Variants in MXI1 observed in about 807,000 individuals in gnomAD.
MXI1 encodes the protein max-interacting protein 1.
Under a neutral mutation model 36.9 loss-of-function variants are expected in MXI1, and 18 were observed. The observed-to-expected ratio is 0.49, with a 90% CI of 0.34 to 0.72. MXI1 has a LOEUF of 0.72. MXI1 is among the 30% of genes least tolerant of loss of function. MXI1 has a pLI of 0.01. For missense variants in MXI1, 304 were observed against 379.1 expected, an observed-to-expected ratio of 0.80 and a Z score of 1.64; for synonymous variants, 160 against 146.7, an observed-to-expected ratio of 1.09 and a Z score of -0.65.
intron 2 of MXI1, among the ~76,000 whole-genome samples, chr10:110,233,716 A>G (rs558649870): frequency 1.2e-4 from 19 of 152,152 alleles, no homozygotes; most frequent in Admixed American, 3.9e-4. Flanking sequence ...TCTGTCTTCT[A>G]CCAAAATTGA....
intron 2 of MXI1, among the ~76,000 whole-genome samples, chr10:110,233,321 C>T (rs1855339730): frequency 6.6e-6 from 1 of 152,062 alleles, no homozygotes; most frequent in African/African-American, 2.4e-5. Flanking sequence ...GCATCCTTTT[C>T]AGCTATCTTC....
rs60576710 is a variant in MXI1, at chr10:110,236,124, C to CTTTTTTTTTTTTTTT, written c.407+7828_407+7842dup. Among the ~76,000 whole-genome samples the CTTTTTTTTTTTTTTT allele has an allele frequency of 8.9e-5, 3 of 33,576 alleles. 1 individual carries two copies. Among genetic ancestry groups the CTTTTTTTTTTTTTTT allele is most frequent in the Non-Finnish European group, 1.7e-4 (3 of 17,976 alleles). 22.0% of individuals were successfully genotyped at this position (33,576 alleles called of 152,430 possible). On this transcript the variant is annotated intron_variant, in intron 2 of 5. Transcript: ENST00000332674. ...AGGGTGTGAAGTAAAGGTTGAAGTT[C>CTTTTTTTTTTTTTTT]TTTTTTTTTTTTTTTTTTTTTTTTT... is the stretch of plus-strand genomic sequence containing the variant.
At chr10:110,277,127 C>T (rs1857063484) in intron 3 of MXI1, among the ~76,000 whole-genome samples, 1 of 152,098 alleles carries the variant, frequency 6.6e-6, no homozygotes, top group Non-Finnish European at 1.5e-5. Context: ...TAGGCATGAG[C>T]CACCATGCCC....
At chr10:110,259,450 A>T (rs772259214) in intron 3 of MXI1, among the ~76,000 whole-genome samples, 4 of 152,094 alleles carry the variant, frequency 2.6e-5, no homozygotes, top group Non-Finnish European at 5.9e-5. Flanking sequence ...CTTTTGCTGC[A>T]TATTGTAAAG....
At chr10:110,277,545 G>A (rs1857078525) in intron 3 of MXI1, among the ~76,000 whole-genome samples, 1 of 152,080 alleles carries the variant, frequency 6.6e-6, no homozygotes, top group Non-Finnish European at 1.5e-5. Flanking sequence ...TTTGTTAAAG[G>A]TTCTATGCAT....
chr10:110,286,807 G>C lies in MXI1; in HGVS notation c.*1820G>C, dbSNP rs1173019962. 3 of 152,178 alleles carry C rather than the reference G, an allele frequency of 2.0e-5. No individual in the cohort carries two copies. The highest frequency in any genetic ancestry group is 7.2e-5 in the African/African-American group (3 of 41,454). The allele number at this position is 152,178 out of a possible 1,614,324, so 9.4% of individuals were successfully genotyped here. On this transcript the variant is annotated 3_prime_UTR_variant, in exon 6 of 6. Transcript: ENST00000332674. ...TCCTTGATTGTGCTATGTTTCAGTG[G>C]AAGAAATTCTTTGAAGTAGATGTGA...
chr10:110,270,590 C>G (rs1214324576), intron 3 of MXI1, among the ~76,000 whole-genome samples: 1 of 152,120 alleles, frequency 6.6e-6, no homozygotes, highest in Non-Finnish European at 1.5e-5. Flanking sequence ...ACACTAGTTT[C>G]TCATTTATTA....
rs544761728 is a variant in MXI1 at position 110,250,051 on chromosome 10, G to T, written c.437+5194G>T. The stretch of plus-strand genomic sequence containing the variant: ...ATGGTGGAGATTTGGGTTTTGGCAG[G>T]CCCAGAGTAGTTGGTTGTGATCCAC... On this transcript the variant is annotated intron_variant, in intron 3 of 5. Coordinates refer to ENST00000332674, the MANE Select transcript of MXI1 (RefSeq NM_130439.3). 3.6e-3 allele frequency among the ~76,000 whole-genome samples: 553 copies of T among 152,214 alleles called. 1 individual carries two copies. The highest frequency in any genetic ancestry group is 6.5e-3 in the Non-Finnish European group (439 of 67,992).
chr10:110,257,891 CTG>C (rs1856374454), intron 3 of MXI1: 1 of 250,052 alleles, frequency 4.0e-6, no homozygotes, highest in Non-Finnish European at 7.9e-6. Context: ...CAAAAACCCT[CTG>C]GAAAAAAAAA....
intron 2 of MXI1, among the ~76,000 whole-genome samples, chr10:110,238,140 G>A (rs1311977266): frequency 1.3e-5 from 2 of 152,130 alleles, no homozygotes; most frequent in African/African-American, 4.8e-5. Flanking sequence ...AGGTTCCAGA[G>A]TTTTTATTGG....
At chr10:110,276,238 A>T (rs1401365428) in intron 3 of MXI1, among the ~76,000 whole-genome samples, 1 of 152,166 alleles carries the variant, frequency 6.6e-6, no homozygotes, top group Non-Finnish European at 1.5e-5. Context: ...TTTTTCATAC[A>T]CAAATTCTAT....
At chr10:110,213,748 A>G (rs1263556572) in intron 1 of MXI1, among the ~76,000 whole-genome samples, 1 of 152,200 alleles carries the variant, frequency 6.6e-6, no homozygotes, top group Non-Finnish European at 1.5e-5. Context: ...CTGCTCATCC[A>G]TCTCTCATCT....
intron 3 of MXI1, among the ~76,000 whole-genome samples, chr10:110,259,673 A>G (rs148701442): frequency 2.6e-4 from 39 of 152,178 alleles, no homozygotes; most frequent in African/African-American, 8.7e-4. Flanking sequence ...TTTATATTCT[A>G]AAAATGAAGA....
intron 3 of MXI1, among the ~76,000 whole-genome samples, chr10:110,272,345 A>C (rs560122334): frequency 6.6e-6 from 1 of 152,236 alleles, no homozygotes; most frequent in Non-Finnish European, 1.5e-5. Flanking sequence ...GGAATACTCA[A>C]CCTGTCTGAA....
chr10:110,227,506 C>A, intron 1 of MXI1: 1 of 985,946 alleles, frequency 1.0e-6, no homozygotes, highest in Non-Finnish European at 1.2e-6. Context: ...GAGAGGGTGA[C>A]CGTGGAGAAG....
chr10:110,217,517 C>A (rs575952230), intron 1 of MXI1, among the ~76,000 whole-genome samples: 41 of 152,252 alleles, frequency 2.7e-4, no homozygotes, highest in African/African-American at 9.6e-4. Flanking sequence ...CCTGTGTTAT[C>A]TTCCTCTTAC....
intron 1 of MXI1, among the ~76,000 whole-genome samples, chr10:110,216,094 G>A (rs972210070): frequency 1.3e-5 from 2 of 152,246 alleles, no homozygotes; most frequent in Non-Finnish European, 2.9e-5. Context: ...ATGCTGAGCA[G>A]GAGGCTCCTT....
intron 2 of MXI1, among the ~76,000 whole-genome samples, chr10:110,239,828 A>G (rs995955788): frequency 6.6e-6 from 1 of 152,190 alleles, no homozygotes; most frequent in African/African-American, 2.4e-5. Context: ...AATCCTGTGT[A>G]CAGCTCAATG....
At chr10:110,248,292 A>C (rs549703825) in intron 3 of MXI1, among the ~76,000 whole-genome samples, 5 of 152,240 alleles carry the variant, frequency 3.3e-5, no homozygotes, top group Admixed American at 3.3e-4. Flanking sequence ...ACATGTATAC[A>C]TATGTAACTA....
Sources: allele counts gnomAD v4.1 joint callset (sites outside exome capture counted in the v4.1 genomes callset), GRCh38; gene constraint gnomAD v4.1.1; transcripts MANE v1.5; gene names NCBI Gene and HGNC (gene_info 2026-07-23, HGNC 2026-07-21).